Variants in TRPM8 observed in about 807,000 individuals in gnomAD.
TRPM8 encodes the protein transient receptor potential cation channel subfamily M member 8, also known as TRPM8 cationic channel.
A neutral mutation model predicts 133.7 loss-of-function variants in TRPM8; 110 were observed. The observed-to-expected ratio is 0.82, with a 90% CI of 0.70 to 0.96. TRPM8 has a LOEUF of 0.96. Among genes scored for constraint, TRPM8 ranks in the 40% least tolerant of loss-of-function variants. The pLI is 0.00. For missense variants in TRPM8, 1,291 were observed against 1,379.5 expected (o/e 0.94, Z 1.02); for synonymous variants, 535 against 532.3 (o/e 1.01, Z -0.07).
chr2:233,964,865 G>A (rs1490194369), intron 14 of TRPM8, 108 bp downstream of exon 14: 2 of 1,238,204 alleles, frequency 1.6e-6, no homozygotes, highest in African/African-American at 1.5e-5. Flanking sequence ...GCATGTCCAA[G>A]CTCCCCAGTC....
At chr2:233,933,284 C>T (rs1691717069) in intron 3 of TRPM8, among the ~76,000 whole-genome samples, 1 of 152,160 alleles carries the variant, frequency 6.6e-6, no homozygotes, top group African/African-American at 2.4e-5. Flanking sequence ...TAGCCACTAG[C>T]CACATCTGGC....
intron 1 of TRPM8, among the ~76,000 whole-genome samples, chr2:233,926,217 T>C (rs1195555789): frequency 6.6e-6 from 1 of 152,224 alleles, no homozygotes; most frequent in Non-Finnish European, 1.5e-5. Flanking sequence ...TGCTACAGAC[T>C]GCCCTTTCAG....
intron 22 of TRPM8, among the ~76,000 whole-genome samples, chr2:234,003,158 G>A (rs1008231043): frequency 1.3e-5 from 2 of 152,070 alleles, no homozygotes; most frequent in East Asian, 3.9e-4. Context: ...ATATTTCTGT[G>A]CTCTCCCTAT....
rs1193991571 is a variant in TRPM8, at chr2:233,955,078, T to G, written c.1244-54T>G. On this transcript the variant is annotated intron_variant, in intron 10 of 25. Coordinates refer to ENST00000324695, the MANE Select transcript of TRPM8 (RefSeq NM_024080.5). ...GATAATTGGCCACACTGAATGGTTC[T>G]CACTCTTATTTCTGAGCCTTTGGTG... is the stretch of plus-strand genomic sequence containing the variant. 3 of 1,355,818 alleles carry G rather than the reference T, an allele frequency of 2.2e-6. No individual in the cohort carries two copies. The Admixed American group carries it at 5.1e-5, about 23-fold the overall frequency. 84.0% of individuals were successfully genotyped at this position (1,355,818 alleles called of 1,614,324 possible). A position where few individuals can be genotyped will look rare whatever the true frequency, so the allele number is the denominator to read the frequency against.
intron 22 of TRPM8, among the ~76,000 whole-genome samples, chr2:234,004,946 A>T (rs926542114): frequency 1.3e-5 from 2 of 152,232 alleles, no homozygotes; most frequent in East Asian, 3.8e-4. Flanking sequence ...ACAATCTTCA[A>T]TCGTGGAGTA....
intron 25 of TRPM8, 96 bp downstream of exon 25, chr2:234,014,750 C>T (rs1310285427): frequency 2.2e-6 from 1 of 448,594 alleles, no homozygotes; most frequent in Non-Finnish European, 3.9e-6. Context: ...ATTTTATTTC[C>T]ATAAATTACC....
At chr2:233,988,718 C>T (rs1183807084) in intron 21 of TRPM8, among the ~76,000 whole-genome samples, 6 of 152,160 alleles carry the variant, frequency 3.9e-5, no homozygotes, top group Non-Finnish European at 8.8e-5. Context: ...TCCCTCACCA[C>T]CTAGCTGGTG....
At position 233,933,264 on chromosome 2, in the gene TRPM8, T is replaced by A. The variant is rs541662750; in HGVS notation, c.191+2523T>A. Among the ~76,000 whole-genome samples the A allele has an allele frequency of 4.6e-5, 7 of 152,278 alleles. No individual in the cohort carries two copies. In the South Asian group the frequency reaches 1.5e-3, roughly 32 times the overall value. ...GTGGAAATATTCTATGTCCGCACCA[T>A]CCAATACGGTAGCCACTAGCCACAT... On this transcript the variant is annotated intron_variant, in intron 3 of 25. Transcript: ENST00000324695.
intron 8 of TRPM8, 186 bp downstream of exon 8, chr2:233,947,341 A>G (rs1691068920): frequency 6.5e-7 from 1 of 1,540,702 alleles, no homozygotes; most frequent in Non-Finnish European, 8.8e-7. Context: ...AAGATTTGGG[A>G]GGAGAATTTC....
In TRPM8 at chr2:233,970,217, C is replaced by T; in HGVS notation, c.2146C>T (p.Pro716Ser). 6.2e-7 allele frequency: 1 copy of T among 1,614,092 alleles called. No homozygotes were observed. Among genetic ancestry groups the T allele is most frequent in the Non-Finnish European group, 8.5e-7 (1 of 1,179,998 alleles). The stretch of plus-strand genomic sequence containing the variant: ...CCTTATCTCTGGGTCCAGGAAGAAA[C>T]CTGTCGACAAGCACAAGAAGCTGCT... ...GCGFVSFRKKPVDKHKKLLWY... is the reference protein window; with the variant it reads ...GCGFVSFRKKSVDKHKKLLWY... The change falls in exon 17 of 26, where the codon CCT (proline) becomes TCT (serine). Residue 716 changes from proline to serine, a missense_variant. This residue lies in a region of TRPM8 where 963 missense variants were observed against 968.9 expected (regional missense o/e 0.99). Coordinates refer to ENST00000324695, the MANE Select transcript of TRPM8 (RefSeq NM_024080.5).
At chr2:233,929,939 G>A (rs572541973) in intron 2 of TRPM8, among the ~76,000 whole-genome samples, 1 of 152,226 alleles carries the variant, frequency 6.6e-6, no homozygotes, top group East Asian at 1.9e-4. Flanking sequence ...CCTTTCATAT[G>A]TTTATGGGTT....
rs1314770143 is a variant in TRPM8, at chr2:233,989,981, G to A, written c.2939+4116G>A. On this transcript the variant is annotated intron_variant, in intron 21 of 25. Transcript: ENST00000324695. The surrounding 1 kb of genome is among the most constrained non-coding windows in gnomAD (Gnocchi z 4.2). ...CTGCTGTAGAATAATTTCTAAAAAT[G>A]TTTTTCAGATCTTAGGAGTAATATA... Among the ~76,000 whole-genome samples, 1 of 152,190 alleles carries A rather than the reference G, an allele frequency of 6.6e-6. No homozygotes were observed. Among genetic ancestry groups the A allele is most frequent in the Non-Finnish European group, 1.5e-5 (1 of 68,036 alleles).
chr2:234,003,870 A>G (rs1194274154), intron 22 of TRPM8, among the ~76,000 whole-genome samples: 1 of 152,176 alleles, frequency 6.6e-6, no homozygotes, highest in African/African-American at 2.4e-5. Context: ...CCAAAGATAC[A>G]TTGTACTCAG....
At chr2:234,009,590 TG>T (rs1335994331) in intron 24 of TRPM8, among the ~76,000 whole-genome samples, 2 of 152,180 alleles carry the variant, frequency 1.3e-5, no homozygotes, top group African/African-American at 4.8e-5. Flanking sequence ...GGATCCCCAC[TG>T]CACAGCGCAG....
intron 7 of TRPM8, 60 bp from the exon 8 acceptor site, chr2:233,947,028 C>T (rs1415167899): frequency 3.9e-6 from 6 of 1,520,878 alleles, no homozygotes; most frequent in Non-Finnish European, 3.6e-6. Flanking sequence ...CAACTTTTCA[C>T]AGAGGTAGGT....
chr2:233,964,030 C>A (rs193175141), intron 13 of TRPM8, among the ~76,000 whole-genome samples: 275 of 152,214 alleles, frequency 1.8e-3, no homozygotes, highest in African/African-American at 6.4e-3. Flanking sequence ...AGACTGTGAA[C>A]ATATTCAGGT....
intron 5 of TRPM8, among the ~76,000 whole-genome samples, chr2:233,940,143 ACTGT>A (rs1310668110): frequency 6.6e-6 from 1 of 151,008 alleles, no homozygotes; most frequent in African/African-American, 2.4e-5. Context: ...TGCTTAGTAG[ACTGT>A]CTCTCATTGT....
intron 17 of TRPM8, among the ~76,000 whole-genome samples, chr2:233,972,750 C>T (rs1032038185): frequency 3.9e-5 from 6 of 152,324 alleles, no homozygotes; most frequent in African/African-American, 7.2e-5. Context: ...CAGGGCCGGC[C>T]GGCTGCTCCC....
At chr2:233,940,438 G>GA (rs1366883590) in intron 5 of TRPM8, among the ~76,000 whole-genome samples, 1 of 152,118 alleles carries the variant, frequency 6.6e-6, no homozygotes, top group Non-Finnish European at 1.5e-5. Flanking sequence ...ACTAAATCCT[G>GA]AATACACCTT....
Sources: allele counts gnomAD v4.1 joint callset (sites outside exome capture counted in the v4.1 genomes callset), GRCh38; gene constraint gnomAD v4.1.1; regional missense constraint gnomAD v4.1.1; non-coding constraint Gnocchi (gnomAD v3.1); transcripts MANE v1.5; gene names NCBI Gene and HGNC (gene_info 2026-07-23, HGNC 2026-07-21).